Variants in CCSER1 observed in about 807,000 individuals in gnomAD.
CCSER1 encodes the protein coiled-coil serine rich protein 1.
CCSER1 carries 41 observed loss-of-function variants against 82.0 expected under a neutral mutation model. That is an observed-to-expected ratio of 0.50 (90% CI 0.39 to 0.65). The LOEUF is 0.65. CCSER1 is among the 30% of genes least tolerant of loss of function. The pLI is 0.00. For synonymous variants in CCSER1, 414 were observed against 383.9 expected, an observed-to-expected ratio of 1.08 and a Z score of -0.92; for missense variants, 1,119 against 1,064.2, an observed-to-expected ratio of 1.05 and a Z score of -0.72.
At chr4:91,056,400 G>A (rs965304690) in intron 9 of CCSER1, among the ~76,000 whole-genome samples, 4 of 152,148 alleles carry the variant, frequency 2.6e-5, no homozygotes, top group Admixed American at 2.6e-4. Flanking sequence ...CTGCTTCCAA[G>A]ATGGCACCTT....
chr4:90,213,766 G>A (rs1740487457), intron 1 of CCSER1, among the ~76,000 whole-genome samples: 1 of 152,160 alleles, frequency 6.6e-6, no homozygotes, highest in Non-Finnish European at 1.5e-5. Context: ...ATAAGGTGAG[G>A]ACTGAATTTA....
intron 10 of CCSER1, among the ~76,000 whole-genome samples, chr4:91,193,855 C>A (rs902584474): frequency 6.6e-6 from 1 of 151,780 alleles, no homozygotes; most frequent in Non-Finnish European, 1.5e-5. Context: ...CCTGATGTCC[C>A]TTATGATTGC....
chr4:91,549,148 T>C (rs1177601496), intron 10 of CCSER1, among the ~76,000 whole-genome samples: 3 of 152,136 alleles, frequency 2.0e-5, no homozygotes, highest in African/African-American at 7.2e-5. Context: ...TATAGTCTAC[T>C]AATAAGTCCA....
At chr4:90,863,880 G>A (rs1459003048) in intron 8 of CCSER1, among the ~76,000 whole-genome samples, 2 of 151,492 alleles carry the variant, frequency 1.3e-5, no homozygotes, top group Non-Finnish European at 1.5e-5. Flanking sequence ...GCCCTTTAGC[G>A]CTTTGTTGAA....
intron 8 of CCSER1, among the ~76,000 whole-genome samples, chr4:90,879,430 C>G (rs1392148528): frequency 6.6e-6 from 1 of 151,498 alleles, no homozygotes; most frequent in Non-Finnish European, 1.5e-5. Flanking sequence ...CCAGCTTGGC[C>G]TGGTTAAGTT....
chr4:91,340,123 CAA>C (rs951738885), intron 10 of CCSER1, among the ~76,000 whole-genome samples: 1 of 151,466 alleles, frequency 6.6e-6, no homozygotes, highest in African/African-American at 2.4e-5. Context: ...TCAAAAAAAA[CAA>C]AAAAAGATTA....
At chr4:90,344,438 C>A (rs1165046710) in intron 3 of CCSER1, among the ~76,000 whole-genome samples, 1 of 151,736 alleles carries the variant, frequency 6.6e-6, no homozygotes, top group Admixed American at 6.6e-5. Flanking sequence ...TTTTTTTTGA[C>A]TGGTTTCTCA....
At position 91,603,819 on chromosome 4, in the gene CCSER1, A is replaced by C. The variant is rs1764891003; in HGVS notation, c.*4762A>C. 1 of 151,994 alleles carries C rather than the reference A, an allele frequency of 6.6e-6. No homozygotes were observed. The highest frequency in any genetic ancestry group is 1.5e-5 in the Non-Finnish European group (1 of 67,978). 9.4% of individuals were successfully genotyped at this position (151,994 alleles called of 1,614,324 possible). A position where few individuals can be genotyped will look rare whatever the true frequency, so the allele number is the denominator to read the frequency against. ...TCTAAGATTAGGGTGGGGCAGAATAAATTATTGGTGAGGATCTGCTTCCTG... is the reference window on the plus strand; with the variant it reads ...TCTAAGATTAGGGTGGGGCAGAATACATTATTGGTGAGGATCTGCTTCCTG... On this transcript the variant is annotated 3_prime_UTR_variant, in exon 11 of 11. Transcript: ENST00000509176.
intron 9 of CCSER1, among the ~76,000 whole-genome samples, chr4:91,045,281 T>G (rs1001316206): frequency 6.6e-6 from 1 of 152,244 alleles, no homozygotes; most frequent in Admixed American, 6.5e-5. Context: ...AATAGATTTA[T>G]TAATATGTGA....
At chr4:91,536,631 C>G (rs1761309022) in intron 10 of CCSER1, among the ~76,000 whole-genome samples, 1 of 152,074 alleles carries the variant, frequency 6.6e-6, no homozygotes, top group African/African-American at 2.4e-5. Context: ...CAGTCTGAGA[C>G]TCAGCATTCT....
intron 10 of CCSER1, among the ~76,000 whole-genome samples, chr4:91,504,956 T>C (rs532898916): frequency 6.6e-6 from 1 of 152,352 alleles, no homozygotes; most frequent in East Asian, 1.9e-4. Flanking sequence ...TTATTTTAAG[T>C]TCCTGGGTAC....
chr4:90,620,896 C>T (rs191857316), intron 5 of CCSER1, among the ~76,000 whole-genome samples: 3 of 152,154 alleles, frequency 2.0e-5, no homozygotes, highest in African/African-American at 7.2e-5. Context: ...TCACTGCAAC[C>T]TCCACCTCCT....
chr4:91,317,830 G>T (rs1745937024), intron 10 of CCSER1, among the ~76,000 whole-genome samples: 1 of 151,876 alleles, frequency 6.6e-6, no homozygotes, highest in African/African-American at 2.4e-5. Flanking sequence ...CAGGCAAGTG[G>T]AACAATTGGG....
At chr4:91,558,336 G>A (rs755391102) in intron 10 of CCSER1, among the ~76,000 whole-genome samples, 1 of 151,524 alleles carries the variant, frequency 6.6e-6, no homozygotes, top group African/African-American at 2.4e-5. Flanking sequence ...CATAGCTAGC[G>A]TATTGTTTTT....
intron 8 of CCSER1, among the ~76,000 whole-genome samples, chr4:90,917,375 G>T (rs1205696332): frequency 6.6e-6 from 1 of 152,112 alleles, no homozygotes; most frequent in African/African-American, 2.4e-5. Flanking sequence ...GGACATGGAT[G>T]AAGCTGGAAA....
chr4:91,584,617 TC>T (rs1447179595), intron 10 of CCSER1, among the ~76,000 whole-genome samples: 1 of 151,506 alleles, frequency 6.6e-6, no homozygotes, highest in East Asian at 1.9e-4. Context: ...TTTACATAAA[TC>T]CTGTGAAAAA....
intron 1 of CCSER1, among the ~76,000 whole-genome samples, chr4:90,228,162 T>C (rs1198233655): frequency 8.0e-6 from 1 of 125,162 alleles, no homozygotes; most frequent in South Asian, 2.9e-4. Context: ...GCTCCACCTC[T>C]GGGGGCAGGG....
chr4:90,370,357 C>T (rs1747175387), intron 3 of CCSER1: 1 of 151,866 alleles, frequency 6.6e-6, no homozygotes, highest in South Asian at 2.1e-4. Flanking sequence ...GCTATGGAGT[C>T]CATAAAAAGT....
intron 10 of CCSER1, among the ~76,000 whole-genome samples, chr4:91,360,681 A>G (rs932790293): frequency 6.6e-6 from 1 of 151,796 alleles, no homozygotes; most frequent in African/African-American, 2.4e-5. Flanking sequence ...CTGATGTAGA[A>G]GAAGGTTTAT....
Sources: gnomAD v4.1 joint callset for allele counts (sites outside exome capture counted in the v4.1 genomes callset) on GRCh38, gnomAD v4.1.1 for gene constraint, MANE v1.5 for transcripts, NCBI Gene and HGNC (gene_info 2026-07-23, HGNC 2026-07-21) for gene names.